The following PRSS3 variants were observed in gnomAD, a reference collection of about 807,000 sequenced individuals.
The protein encoded by PRSS3 is trypsin-3.
In PRSS3, 14 loss-of-function variants were observed where a neutral mutation model predicts 20.8. The ratio of observed to expected loss-of-function variants is 0.67; its 90% confidence interval spans 0.44 to 1.05. PRSS3 has a LOEUF of 1.05. Among genes scored for constraint, PRSS3 ranks in the 50% least tolerant of loss-of-function variants. The pLI is 0.00. For missense variants in PRSS3, 237 were observed against 306.4 expected (o/e 0.77, Z 1.69); for synonymous variants, 91 against 117.6 (o/e 0.77, Z 1.46).
chr9:33,763,723 G>A (rs1181270566), intron 1 of PRSS3, among the ~76,000 whole-genome samples: 3 of 150,818 alleles, frequency 2.0e-5, no homozygotes, highest in Admixed American at 6.6e-5. Flanking sequence ...AAAAAAGGTG[G>A]AAATGATATA....
intron 1 of PRSS3, among the ~76,000 whole-genome samples, chr9:33,767,978 G>A (rs575802304): frequency 7.0e-4 from 107 of 152,332 alleles, no homozygotes; most frequent in African/African-American, 2.6e-3. Context: ...TTCCAGAACT[G>A]TTAGAAGATA....
chr9:33,771,411 T>C (rs975526742), intron 1 of PRSS3, among the ~76,000 whole-genome samples: 73 of 151,568 alleles, frequency 4.8e-4, no homozygotes, highest in African/African-American at 1.6e-3. Context: ...CTGCAACCTC[T>C]GCCTACTGGG....
At chr9:33,783,079 C>A (rs1389823606) in intron 1 of PRSS3, among the ~76,000 whole-genome samples, 1 of 152,152 alleles carries the variant, frequency 6.6e-6, no homozygotes, top group African/African-American at 2.4e-5. Context: ...TTGAACAAAT[C>A]TTAAAAACGT....
chr9:33,774,337 A>G (rs1823828664), intron 1 of PRSS3, among the ~76,000 whole-genome samples: 1 of 152,350 alleles, frequency 6.6e-6, no homozygotes, highest in South Asian at 2.1e-4. Flanking sequence ...TCAGTCTTCT[A>G]TGAATCATAC....
chr9:33,759,851 G>A (rs1563956398), intron 1 of PRSS3, among the ~76,000 whole-genome samples: 1 of 152,186 alleles, frequency 6.6e-6, no homozygotes, highest in Non-Finnish European at 1.5e-5. Flanking sequence ...TATGCAAGGA[G>A]GATTGTTGAG....
In PRSS3 at chr9:33,750,847, G is replaced by C. The variant is rs855551; in HGVS notation, c.-53+120G>C. On this transcript the variant is annotated intron_variant, in intron 1 of 5. Coordinates refer to the PRSS3 transcript ENST00000342836. The surrounding 1 kb of genome is among the most constrained non-coding windows in gnomAD (Gnocchi z 4.8). ...GTTCCGACTCGCATGGGACCTGCGG[G>C]GGAGGGTACGCGGACAGGGAGGGGA... 0.14 allele frequency: 187,932 copies of C among 1,380,954 alleles called. 15,434 individuals are homozygous for C. The highest frequency in any genetic ancestry group is 0.37 in the African/African-American group (24,114 of 65,200). The allele number at this position is 1,380,954 out of a possible 1,614,324, so 85.5% of individuals were successfully genotyped here.
intron 3 of PRSS3, 35 bp downstream of exon 3, chr9:33,798,117 A>G: frequency 6.2e-7 from 1 of 1,614,062 alleles, no homozygotes; most frequent in South Asian, 1.1e-5. Context: ...ACTTCCCCCC[A>G]TCCTCACAAT....
intron 1 of PRSS3, among the ~76,000 whole-genome samples, chr9:33,771,737 T>C (rs1823714708): frequency 1.3e-5 from 2 of 149,424 alleles, no homozygotes; most frequent in Admixed American, 6.8e-5. Context: ...ACCTCCTGAG[T>C]AGCTGGGACT....
upstream of PRSS3, chr9:33,794,780 AC>A: frequency 6.4e-7 from 1 of 1,550,698 alleles, no homozygotes; most frequent in Middle Eastern, 1.7e-4. Context: ...CATAAAAAGA[AC>A]CTATGACAGG....
chr9:33,783,430 C>T (rs1824258331), intron 1 of PRSS3, among the ~76,000 whole-genome samples: 1 of 151,962 alleles, frequency 6.6e-6, no homozygotes, highest in Non-Finnish European at 1.5e-5. Context: ...GTTGACTTTT[C>T]AATGAATTAA....
intron 1 of PRSS3, among the ~76,000 whole-genome samples, chr9:33,758,267 A>G (rs1325451539): frequency 3.9e-5 from 6 of 152,236 alleles, no homozygotes; most frequent in African/African-American, 9.6e-5. Context: ...CTACCTGTCA[A>G]TCAGACAGAC....
At chr9:33,765,545 A>G (rs192945492) in intron 1 of PRSS3, among the ~76,000 whole-genome samples, 2 of 152,194 alleles carry the variant, frequency 1.3e-5, no homozygotes, top group Non-Finnish European at 2.9e-5. Flanking sequence ...CATTAGGTAA[A>G]ACAAGGGTTA....
Position 33,750,938 on chromosome 9 carries a change from AG to A in PRSS3, c.-53+214del. 8.2e-7 allele frequency: 1 copy of A among 1,214,860 alleles called. No homozygotes were observed. Among genetic ancestry groups the A allele is most frequent in the Non-Finnish European group, 1.1e-6 (1 of 951,518 alleles). 75.3% of individuals were successfully genotyped at this position (1,214,860 alleles called of 1,614,324 possible). ...TCTAGGGGAGGACGGGAGGGGATGG[AG>A]GGCCCTGGTGTCGCAGAAGCCCACC... On this transcript the variant is annotated intron_variant, in intron 1 of 5. Coordinates refer to the PRSS3 transcript ENST00000342836. The surrounding 1 kb of genome is among the most constrained non-coding windows in gnomAD (Gnocchi z 4.8).
At chr9:33,797,690 G>GC in intron 2 of PRSS3, 139 bp from the exon 3 acceptor site, 1 of 1,538,060 alleles carries the variant, frequency 6.5e-7, no homozygotes, top group Non-Finnish European at 8.8e-7. Context: ...TCCCTCTCCT[G>GC]CCCATGCAAT....
Position 33,796,855 on chromosome 9 carries a change from C to T in PRSS3, c.200+53C>T, listed in dbSNP as rs1049970571. The T allele has an allele frequency of 8.1e-6, 13 of 1,613,544 alleles. No homozygotes were observed. In the Admixed American group the frequency reaches 8.3e-5, roughly 10 times the overall value. ...CTCCCAGCCAGGCTGCCTGGGAGAG[C>T]TTGGCTTCAGCCCAGGGAAGTACTG... On this transcript the variant is annotated intron_variant, in intron 2 of 4. Transcript: ENST00000379405.
intron 1 of PRSS3, among the ~76,000 whole-genome samples, chr9:33,768,993 A>G (rs556641912): frequency 7.9e-5 from 12 of 152,344 alleles, no homozygotes; most frequent in Non-Finnish European, 1.0e-4. Context: ...AGAAATGAGA[A>G]CATGGTATTA....
At chr9:33,798,442 C>A (rs777449062) in intron 3 of PRSS3, 44 bp from the exon 4 acceptor site, 1 of 1,516,232 alleles carries the variant, frequency 6.6e-7, no homozygotes, top group Admixed American at 1.9e-5. Context: ...TCTCTGGCCT[C>A]ACCCACATTT....
intron 1 of PRSS3, among the ~76,000 whole-genome samples, chr9:33,769,459 G>A (rs988808490): frequency 6.6e-6 from 1 of 152,152 alleles, no homozygotes; most frequent in Non-Finnish European, 1.5e-5. Flanking sequence ...TTGCATAGGA[G>A]GCCAACAAGG....
At chr9:33,784,790 T>G (rs1363405652) in intron 1 of PRSS3, among the ~76,000 whole-genome samples, 1 of 152,290 alleles carries the variant, frequency 6.6e-6, no homozygotes. Context: ...CCCACCAGAT[T>G]GTACTTTACT....
Sources: gnomAD v4.1 joint callset for allele counts (sites outside exome capture counted in the v4.1 genomes callset) on GRCh38, gnomAD v4.1.1 for gene constraint, Gnocchi (gnomAD v3.1) non-coding constraint, MANE v1.5 for transcripts, NCBI Gene and HGNC (gene_info 2026-07-23, HGNC 2026-07-21) for gene names.